PHF24: variants seen among roughly 807,000 people sequenced by gnomAD.
PHF24 encodes the protein Galpha inhibitory interacting protein.
PHF24 carries 25 observed loss-of-function variants against 42.6 expected under a neutral mutation model. The observed-to-expected ratio is 0.59, with a 90% CI of 0.43 to 0.82. The LOEUF (loss-of-function observed/expected upper bound fraction) is 0.82, where lower values mean the gene tolerates loss of function less well. Ranked by LOEUF, PHF24 falls within the 40% of genes least tolerant of loss-of-function variation. PHF24 has a pLI of 0.00. For synonymous variants in PHF24, 185 were observed against 204.8 expected (o/e 0.90, Z 0.83); for missense variants, 470 against 538.1 (o/e 0.87, Z 1.25).
chr9:34,967,885 A>T (rs1005183368), intron 1 of PHF24, among the ~76,000 whole-genome samples: 1 of 152,248 alleles, frequency 6.6e-6, no homozygotes, highest in Non-Finnish European at 1.5e-5. Flanking sequence ...TTCAGACTAT[A>T]TGTTCCAAAT....
the PHF24 span, among the ~76,000 whole-genome samples, chr9:34,702,002 A>G: frequency 6.6e-6 from 1 of 152,118 alleles, no homozygotes; most frequent in African/African-American, 2.4e-5. Context: ...TAGATATCTT[A>G]CACCACTCAT....
At chr9:34,728,642 CT>C in the PHF24 span, 1 of 1,551,440 alleles carries the variant, frequency 6.4e-7, no homozygotes, top group South Asian at 1.2e-5. Context: ...CTTTGCCTGA[CT>C]TTTTGGTGAC....
At chr9:34,695,216 G>A in the PHF24 span, among the ~76,000 whole-genome samples, 1 of 152,168 alleles carries the variant, frequency 6.6e-6, no homozygotes, top group Non-Finnish European at 1.5e-5. Context: ...GGCTGATGAT[G>A]TAATCAATTA....
the PHF24 span, among the ~76,000 whole-genome samples, chr9:34,738,382 G>A: frequency 6.3e-4 from 96 of 151,888 alleles, no homozygotes; most frequent in South Asian, 1.7e-3. Flanking sequence ...ACAGAGTCTC[G>A]CTCTGTCGCC....
the PHF24 span, among the ~76,000 whole-genome samples, chr9:34,810,227 A>C: frequency 0.95 from 144,204 of 152,106 alleles, 68,616 homozygotes; most frequent in Non-Finnish European, 0.99. Flanking sequence ...CGTGGACAGT[A>C]CTCCGGGGAC....
chr9:34,739,825 G>T, the PHF24 span, among the ~76,000 whole-genome samples: 1 of 152,094 alleles, frequency 6.6e-6, no homozygotes, highest in Admixed American at 6.5e-5. Context: ...TCTCTTATCT[G>T]GCCCCACCCA....
At chr9:34,801,478 G>T in the PHF24 span, among the ~76,000 whole-genome samples, 1 of 152,084 alleles carries the variant, frequency 6.6e-6, no homozygotes, top group Non-Finnish European at 1.5e-5. Context: ...AAAAGAATGA[G>T]ATCCTTTGGG....
the PHF24 span, among the ~76,000 whole-genome samples, chr9:34,693,193 G>T: frequency 6.6e-6 from 1 of 152,022 alleles, no homozygotes; most frequent in Admixed American, 6.6e-5. Flanking sequence ...GATGGTTCTG[G>T]TTATTCTGTT....
chr9:34,918,779 G>A, the PHF24 span, among the ~76,000 whole-genome samples: 1 of 151,980 alleles, frequency 6.6e-6, no homozygotes, highest in African/African-American at 2.4e-5. Context: ...AATTTTGAAA[G>A]GTCACTAAAC....
At chr9:34,901,549 A>G in the PHF24 span, among the ~76,000 whole-genome samples, 1 of 152,334 alleles carries the variant, frequency 6.6e-6, no homozygotes, top group East Asian at 1.9e-4. Flanking sequence ...CATTTCAACT[A>G]CTTGAAGTTT....
chr9:34,677,320 A>G, the PHF24 span, among the ~76,000 whole-genome samples: 2 of 151,786 alleles, frequency 1.3e-5, no homozygotes, highest in East Asian at 1.9e-4. Context: ...ACTACTGGAA[A>G]AGCCCTCTGA....
chr9:34,815,479 C>A, the PHF24 span, among the ~76,000 whole-genome samples: 1 of 152,116 alleles, frequency 6.6e-6, no homozygotes, highest in Admixed American at 6.5e-5. Flanking sequence ...CCCGCCACCA[C>A]GCCCAGCTAA....
the PHF24 span, among the ~76,000 whole-genome samples, chr9:34,818,397 T>C: frequency 2.6e-5 from 4 of 152,206 alleles, no homozygotes; most frequent in Non-Finnish European, 1.5e-5. Flanking sequence ...AATCTTGGAT[T>C]TTGTCAAATG....
At chr9:34,849,220 T>C in the PHF24 span, among the ~76,000 whole-genome samples, 3 of 152,038 alleles carry the variant, frequency 2.0e-5, no homozygotes, top group Non-Finnish European at 2.9e-5. Flanking sequence ...CTCCCATTAT[T>C]ATTGTGTGGG....
the PHF24 span, among the ~76,000 whole-genome samples, chr9:34,757,359 T>G: frequency 6.6e-6 from 1 of 152,168 alleles, no homozygotes; most frequent in African/African-American, 2.4e-5. Context: ...TGCTACTGAT[T>G]TTGTATGTTG....
chr9:34,944,418 T>C, the PHF24 span, among the ~76,000 whole-genome samples: 4 of 152,230 alleles, frequency 2.6e-5, no homozygotes, highest in East Asian at 7.7e-4. Flanking sequence ...GGCCAGGTTG[T>C]GCTGGTATTT....
At chr9:34,857,743 C>A in the PHF24 span, among the ~76,000 whole-genome samples, 95 of 152,342 alleles carry the variant, frequency 6.2e-4, no homozygotes, top group African/African-American at 2.1e-3. Flanking sequence ...AATTGGCCGC[C>A]TTTGCCCCAT....
At chr9:34,741,339 T>G in the PHF24 span, among the ~76,000 whole-genome samples, 1 of 152,106 alleles carries the variant, frequency 6.6e-6, no homozygotes, top group Admixed American at 6.5e-5. Context: ...AAGGCAGTAT[T>G]TCTTTTCTTT....
At chr9:34,686,676 G>T in the PHF24 span, among the ~76,000 whole-genome samples, 1 of 152,158 alleles carries the variant, frequency 6.6e-6, no homozygotes, top group African/African-American at 2.4e-5. Flanking sequence ...TGGCCTTTAG[G>T]ATGGGAGGTA....
Sources: gnomAD v4.1 joint callset for allele counts (sites outside exome capture counted in the v4.1 genomes callset) on GRCh38, gnomAD v4.1.1 for gene constraint, MANE v1.5 for transcripts, NCBI Gene and HGNC (gene_info 2026-07-23, HGNC 2026-07-21) for gene names.